CACNA1C: variants seen among roughly 807,000 people sequenced by gnomAD.
CACNA1C encodes the protein calcium voltage-gated channel subunit alpha1 C.
In CACNA1C, 30 loss-of-function variants were observed where a neutral mutation model predicts 229.0. The ratio of observed to expected loss-of-function variants is 0.13; its 90% CI spans 0.10 to 0.18. The LOEUF (loss-of-function observed/expected upper bound fraction) is 0.18. Ranked by LOEUF, CACNA1C falls within the 10% of genes least tolerant of loss-of-function variation. CACNA1C has a pLI of 1.00. For missense variants in CACNA1C, 1,658 were observed against 2,845.0 expected, an observed-to-expected ratio of 0.58 and a Z score of 9.49; for synonymous variants, 1,114 against 1,132.5, an observed-to-expected ratio of 0.98 and a Z score of 0.33.
At chr12:2,434,697 G>A (rs1455627091) in intron 3 of CACNA1C, among the ~76,000 whole-genome samples, 1 of 152,176 alleles carries the variant, frequency 6.6e-6, no homozygotes, top group East Asian at 1.9e-4. Context: ...CCCACACTTT[G>A]GACTCTGTTT....
In CACNA1C at chr12:2,033,642, C is replaced by CACA. The variant is rs975629673; in HGVS notation, c.139+62455_139+62457dup. 1.3e-4 allele frequency among the ~76,000 whole-genome samples: 20 copies of CACA among 152,172 alleles called. 1 individual carries two copies. The highest frequency in any genetic ancestry group is 3.9e-4 in the Admixed American group (6 of 15,284). ...ATGCTAAAACATGAGAAAACAACAA[C>CACA]ACAACAACAACAACAAAACAACAAC... On this transcript the variant is annotated intron_variant, in intron 1 of 46. Transcript: ENST00000682462.
chr12:2,360,179 A>ACCCC (rs2097524246), intron 3 of CACNA1C, among the ~76,000 whole-genome samples: 1 of 24,574 alleles, frequency 4.1e-5, no homozygotes, highest in African/African-American at 1.1e-4. Context: ...CCCCCACCCC[A>ACCCC]CACACACACA....
chr12:2,667,045 G>A (rs2096171190), intron 37 of CACNA1C, among the ~76,000 whole-genome samples: 1 of 152,186 alleles, frequency 6.6e-6, no homozygotes, highest in Non-Finnish European at 1.5e-5. Context: ...CCTGGGGTGG[G>A]AGACTTCCCA....
intron 5 of CACNA1C, among the ~76,000 whole-genome samples, chr12:2,474,138 C>G (rs1415391015): frequency 6.6e-6 from 1 of 152,148 alleles, no homozygotes; most frequent in Admixed American, 6.5e-5. Context: ...CCACCAAAAC[C>G]ATAGAGATAT....
chr12:2,472,439 A>T (rs539670398), intron 5 of CACNA1C, among the ~76,000 whole-genome samples: 8 of 152,100 alleles, frequency 5.3e-5, no homozygotes, highest in African/African-American at 1.7e-4. Flanking sequence ...CTTTTCAATT[A>T]TGGAATTTCC....
chr12:2,233,254 G>A (rs559775081), intron 3 of CACNA1C, among the ~76,000 whole-genome samples: 4 of 152,302 alleles, frequency 2.6e-5, no homozygotes, highest in East Asian at 1.9e-4. Flanking sequence ...TTGTGTCACC[G>A]TGTCCATGTG....
At chr12:2,072,505 A>G (rs1348596802) in intron 1 of CACNA1C, among the ~76,000 whole-genome samples, 2 of 152,146 alleles carry the variant, frequency 1.3e-5, no homozygotes, top group African/African-American at 4.8e-5. Flanking sequence ...CAGCCTGACA[A>G]GATAATATTT....
Position 2,107,685 on chromosome 12 carries a change from T to C in CACNA1C, c.50-7539T>C, listed in dbSNP as rs539554295. On this transcript the variant is annotated intron_variant, in intron 1 of 46. Coordinates refer to ENST00000399655, the MANE Select transcript of CACNA1C (RefSeq NM_000719.7). ...AAGGACTTTTGGTTTCTACATTGTT[T>C]TTTGGGTCTTAGACTCTCTTATGCT... Among the ~76,000 whole-genome samples the C allele has an allele frequency of 2.0e-5, 3 of 152,404 alleles. No individual in the cohort carries two copies. In the East Asian group the frequency reaches 5.8e-4, roughly 29 times the overall value.
intron 3 of CACNA1C, among the ~76,000 whole-genome samples, chr12:2,342,738 G>T (rs2096901124): frequency 6.6e-6 from 1 of 152,204 alleles, no homozygotes; most frequent in Non-Finnish European, 1.5e-5. Context: ...GCAGTAGGAT[G>T]ATGTGTTGCT....
intron 3 of CACNA1C, among the ~76,000 whole-genome samples, chr12:2,146,224 G>C (rs1423514674): frequency 2.0e-5 from 3 of 151,126 alleles, no homozygotes; most frequent in Non-Finnish European, 4.4e-5. Context: ...ACAAGAACCA[G>C]TTTGAGAAGC....
chr12:1,990,796 A>T (rs1329121988), intron 1 of CACNA1C, among the ~76,000 whole-genome samples: 2 of 152,180 alleles, frequency 1.3e-5, no homozygotes, highest in Non-Finnish European at 2.9e-5. Flanking sequence ...GAACATGTAA[A>T]CCATACATAA....
At chr12:2,138,335 C>A (rs1211294357) in intron 3 of CACNA1C, among the ~76,000 whole-genome samples, 1 of 151,192 alleles carries the variant, frequency 6.6e-6, no homozygotes, top group African/African-American at 2.4e-5. Flanking sequence ...GGAGCACAAG[C>A]CTTGGTGTGG....
chr12:2,163,392 A>G (rs1208860475), intron 3 of CACNA1C, among the ~76,000 whole-genome samples: 1 of 152,154 alleles, frequency 6.6e-6, no homozygotes, highest in African/African-American at 2.4e-5. Context: ...TACAGTAAGT[A>G]AATGGCCAAG....
In CACNA1C at chr12:2,601,990, G is replaced by A. The variant is rs773426636; in HGVS notation, c.2960+30G>A. 3.5e-6 allele frequency: 5 copies of A among 1,428,262 alleles called. No homozygotes were observed. In the African/African-American group the frequency reaches 5.6e-5, roughly 16 times the overall value. 88.5% of individuals were successfully genotyped at this position (1,428,262 alleles called of 1,614,324 possible). ...GTGGGAGCCCCTCAGCCCACGATGG[G>A]CCATGCAGCTAGCAAGGGGTGCCAG... is the stretch of plus-strand genomic sequence containing the variant. On this transcript the variant is annotated intron_variant, in intron 22 of 46. Coordinates refer to ENST00000399655, the MANE Select transcript of CACNA1C (RefSeq NM_000719.7). The surrounding 1 kb of genome is among the most constrained non-coding windows in gnomAD (Gnocchi z 5.9).
intron 29 of CACNA1C, among the ~76,000 whole-genome samples, chr12:2,616,041 A>G (rs923517740): frequency 6.6e-6 from 1 of 152,108 alleles, no homozygotes; most frequent in Non-Finnish European, 1.5e-5. Flanking sequence ...GTAGCCAGTG[A>G]TCACCTCCCC....
chr12:2,262,034 G>C (rs769533824), intron 3 of CACNA1C, among the ~76,000 whole-genome samples: 2 of 152,258 alleles, frequency 1.3e-5, no homozygotes, highest in African/African-American at 2.4e-5. Flanking sequence ...ACCTGAACCT[G>C]CCTTTCTGAT....
At chr12:2,184,650 T>C (rs565331342) in intron 3 of CACNA1C, among the ~76,000 whole-genome samples, 25 of 152,320 alleles carry the variant, frequency 1.6e-4, no homozygotes, top group Non-Finnish European at 2.8e-4. Context: ...AACTATTTCT[T>C]GCTTGTCAAC....
chr12:2,179,200 T>G (rs2096757232), intron 3 of CACNA1C, among the ~76,000 whole-genome samples: 2 of 152,222 alleles, frequency 1.3e-5, no homozygotes, highest in African/African-American at 4.8e-5. Context: ...AATCCAGTCT[T>G]TTATAAAACT....
intron 7 of CACNA1C, among the ~76,000 whole-genome samples, chr12:2,498,177 G>C (rs914085372): frequency 4.6e-5 from 7 of 152,208 alleles, no homozygotes; most frequent in Non-Finnish European, 8.8e-5. Context: ...CTTCATAAAA[G>C]TTAGAGCTGA....
Sources: allele counts gnomAD v4.1 joint callset (sites outside exome capture counted in the v4.1 genomes callset), GRCh38; gene constraint gnomAD v4.1.1; non-coding constraint Gnocchi (gnomAD v3.1); transcripts MANE v1.5; gene names NCBI Gene and HGNC (gene_info 2026-07-23, HGNC 2026-07-21).